Variants in SLC4A4 observed in about 807,000 individuals in gnomAD.
SLC4A4 encodes electrogenic sodium bicarbonate cotransporter 1.
SLC4A4 carries 27 observed loss-of-function variants against 111.5 expected under a neutral mutation model. The observed-to-expected ratio is 0.24, with a 90% CI of 0.18 to 0.33. The LOEUF (loss-of-function observed/expected upper bound fraction) is 0.33. Ranked by LOEUF, SLC4A4 falls within the 10% of genes least tolerant of loss-of-function variation. The pLI is 1.00. For missense variants in SLC4A4, 909 were observed against 1,315.5 expected, an observed-to-expected ratio of 0.69 and a Z score of 4.78; for synonymous variants, 443 against 463.4, an observed-to-expected ratio of 0.96 and a Z score of 0.57.
At chr4:71,084,385 AGTTTT>A (rs1742086547) in intron 1 of SLC4A4, among the ~76,000 whole-genome samples, 3 of 151,970 alleles carry the variant, frequency 2.0e-5, no homozygotes, top group African/African-American at 4.8e-5. Context: ...ACCAAATGAC[AGTTTT>A]TTAAATTGTA....
At chr4:71,239,308 T>C (rs1353315693) in intron 2 of SLC4A4, among the ~76,000 whole-genome samples, 1 of 152,224 alleles carries the variant, frequency 6.6e-6, no homozygotes, top group Admixed American at 6.5e-5. Flanking sequence ...AAATAAGATG[T>C]ACTCCCAATA....
intron 6 of SLC4A4, among the ~76,000 whole-genome samples, chr4:71,391,998 G>A (rs6852522): frequency 0.86 from 130,221 of 152,008 alleles, 56,408 homozygotes; most frequent in Non-Finnish European, 0.92. Context: ...TAAGTAGAAA[G>A]CACTGATTTA....
Position 71,440,741 on chromosome 4 carries a change from G to T in SLC4A4, c.933G>T (p.Leu311=). 1 of 1,614,062 alleles carries T rather than the reference G, an allele frequency of 6.2e-7. No individual in the cohort carries two copies. The highest frequency in any genetic ancestry group is 1.1e-5 in the South Asian group (1 of 91,086). The change falls in exon 8 of 26, where the codon CTG becomes CTT. Residue 311 remains leucine (L), a synonymous_variant. Coordinates refer to ENST00000264485, the MANE Select transcript of SLC4A4 (RefSeq NM_001098484.3). Reference sequence around the variant, plus strand: ...TTAGGCTACAGCAGGCTGTCATGCTGGGTGCCCTGACTGAAGTTCCTGTGC... The same window carrying T: ...TTAGGCTACAGCAGGCTGTCATGCTTGGTGCCCTGACTGAAGTTCCTGTGC... The part of the protein sequence containing the change: ...AFVRLQQAVM[L]GALTEVPVPT...
intron 1 of SLC4A4, chr4:71,236,048 A>G: frequency 1.0e-6 from 1 of 993,586 alleles, no homozygotes; most frequent in Non-Finnish European, 1.2e-6. Context: ...GCTGGCTGGA[A>G]GCTAGGCTCC....
chr4:71,366,983 G>GC (rs1287526958), intron 6 of SLC4A4, among the ~76,000 whole-genome samples: 4 of 152,238 alleles, frequency 2.6e-5, no homozygotes, highest in African/African-American at 9.6e-5. Flanking sequence ...AAACACAGGT[G>GC]CCGAGTCTCT....
At chr4:71,231,217 G>A (rs1448512726) in intron 1 of SLC4A4, among the ~76,000 whole-genome samples, 1 of 152,218 alleles carries the variant, frequency 6.6e-6, no homozygotes, top group East Asian at 1.9e-4. Context: ...GTGTGCTGGC[G>A]GCCTGCCACG....
intron 7 of SLC4A4, among the ~76,000 whole-genome samples, chr4:71,435,730 C>T (rs1724074659): frequency 6.6e-6 from 1 of 152,050 alleles, no homozygotes. Context: ...ACAAACAACC[C>T]CATCAAAAAG....
At chr4:71,140,044 G>A (rs941122255) in intron 2 of SLC4A4, among the ~76,000 whole-genome samples, 1 of 152,100 alleles carries the variant, frequency 6.6e-6, no homozygotes, top group African/African-American at 2.4e-5. Flanking sequence ...TCTCTTTCCA[G>A]CTTCTCCCTT....
intron 4 of SLC4A4, among the ~76,000 whole-genome samples, chr4:71,345,833 A>G (rs149321157): frequency 1.3e-5 from 2 of 152,270 alleles, no homozygotes; most frequent in African/African-American, 2.4e-5. Flanking sequence ...ATGTAATCAT[A>G]TATAGTTATG....
upstream of SLC4A4, among the ~76,000 whole-genome samples, chr4:71,183,476 T>A (rs1291756455): frequency 6.6e-6 from 1 of 152,200 alleles, no homozygotes; most frequent in Non-Finnish European, 1.5e-5. Flanking sequence ...TAATTATAAA[T>A]CTAGATTAGT....
intron 23 of SLC4A4, among the ~76,000 whole-genome samples, chr4:71,561,655 G>T (rs956368009): frequency 1.1e-4 from 16 of 151,724 alleles, no homozygotes; most frequent in Non-Finnish European, 4.4e-5. Context: ...AATGAGAACA[G>T]GTATATAGAT....
intron 3 of SLC4A4, among the ~76,000 whole-genome samples, chr4:71,270,180 T>C (rs1161871468): frequency 6.6e-6 from 1 of 152,140 alleles, no homozygotes; most frequent in African/African-American, 2.4e-5. Flanking sequence ...CTCTGCCTCC[T>C]GGGTTCAAGC....
chr4:71,101,705 A>G (rs1560719855), intron 2 of SLC4A4, among the ~76,000 whole-genome samples: 1 of 152,202 alleles, frequency 6.6e-6, no homozygotes, highest in Non-Finnish European at 1.5e-5. Flanking sequence ...CCTGCAGCTG[A>G]AGGTCCTGTC....
At chr4:71,348,203 T>G in intron 4 of SLC4A4, among the ~76,000 whole-genome samples, 1 of 152,114 alleles carries the variant, frequency 6.6e-6, no homozygotes, top group East Asian at 1.9e-4. Flanking sequence ...ACAGTTTTGG[T>G]TAAACCCATA....
intron 2 of SLC4A4, among the ~76,000 whole-genome samples, chr4:71,178,624 C>T (rs576487574): frequency 6.6e-6 from 1 of 152,284 alleles, no homozygotes; most frequent in African/African-American, 2.4e-5. Flanking sequence ...ATACATTCCT[C>T]AACCCATACA....
At chr4:71,083,100 G>A (rs1742037539) in intron 1 of SLC4A4, among the ~76,000 whole-genome samples, 1 of 151,986 alleles carries the variant, frequency 6.6e-6, no homozygotes, top group East Asian at 1.9e-4. Context: ...TGATCCACCT[G>A]CCTCGGCCTC....
intron 24 of SLC4A4, among the ~76,000 whole-genome samples, chr4:71,564,954 TGAGATTGCC>T (rs1273855057): frequency 6.6e-6 from 1 of 151,658 alleles, no homozygotes; most frequent in African/African-American, 2.4e-5. Context: ...GAGTCTCTCA[TGAGATTGCC>T]GTCAGAGCTG....
chr4:71,343,517 T>C (rs1449716869), intron 4 of SLC4A4, among the ~76,000 whole-genome samples: 1 of 152,250 alleles, frequency 6.6e-6, no homozygotes, highest in Non-Finnish European at 1.5e-5. Context: ...CTCTTCTCAA[T>C]AGACAATTCC....
At chr4:71,417,882 T>C (rs1409353311) in intron 7 of SLC4A4, among the ~76,000 whole-genome samples, 3 of 152,202 alleles carry the variant, frequency 2.0e-5, no homozygotes, top group African/African-American at 4.8e-5. Flanking sequence ...ATTCAACTCA[T>C]GGCCTGGCCT....
Sources: allele counts gnomAD v4.1 joint callset (sites outside exome capture counted in the v4.1 genomes callset), GRCh38; gene constraint gnomAD v4.1.1; transcripts MANE v1.5; gene names NCBI Gene and HGNC (gene_info 2026-07-23, HGNC 2026-07-21).